PRELID2: variants seen among roughly 807,000 people sequenced by gnomAD.
PRELID2 encodes PRELI domain-containing protein 2.
Under a neutral mutation model 28.4 loss-of-function variants are expected in PRELID2, and 25 were observed. The ratio of observed to expected loss-of-function variants is 0.88; its 90% confidence interval spans 0.64 to 1.23. The LOEUF (loss-of-function observed/expected upper bound fraction) is 1.23. Ranked by LOEUF, PRELID2 falls within the 50% of genes most tolerant of loss-of-function variation. The pLI, the probability that PRELID2 is intolerant of heterozygous loss-of-function variation, is 0.00. For synonymous variants in PRELID2, 76 were observed against 71.6 expected, an observed-to-expected ratio of 1.06 and a Z score of -0.31; for missense variants, 201 against 214.4, an observed-to-expected ratio of 0.94 and a Z score of 0.39.
At chr5:145,312,559 T>C in the PRELID2 span, among the ~76,000 whole-genome samples, 3 of 152,184 alleles carry the variant, frequency 2.0e-5, no homozygotes, top group Non-Finnish European at 2.9e-5. Context: ...ACTCTCTACT[T>C]CTATGAGATC....
At chr5:145,452,362 A>C in the PRELID2 span, among the ~76,000 whole-genome samples, 4 of 152,054 alleles carry the variant, frequency 2.6e-5, no homozygotes, top group Non-Finnish European at 5.9e-5. Flanking sequence ...TATTTATTGC[A>C]ACTTACATTG....
At chr5:145,670,911 T>C (rs565804208) in intron 1 of PRELID2, among the ~76,000 whole-genome samples, 8 of 152,194 alleles carry the variant, frequency 5.3e-5, no homozygotes, top group Non-Finnish European at 1.0e-4. Flanking sequence ...AGCCCAAGCC[T>C]TGCAACTTAC....
At chr5:145,391,422 G>A in the PRELID2 span, among the ~76,000 whole-genome samples, 1 of 152,236 alleles carries the variant, frequency 6.6e-6, no homozygotes, top group Non-Finnish European at 1.5e-5. Flanking sequence ...TGAAGCAGCT[G>A]GGACTCAGGG....
chr5:145,424,262 A>G, the PRELID2 span, among the ~76,000 whole-genome samples: 6 of 152,140 alleles, frequency 3.9e-5, no homozygotes, highest in South Asian at 2.1e-4. Flanking sequence ...GGTGGGCTCC[A>G]CCCAGTTCGA....
chr5:145,302,801 AT>A, the PRELID2 span, among the ~76,000 whole-genome samples: 1 of 152,086 alleles, frequency 6.6e-6, no homozygotes, highest in South Asian at 2.1e-4. Context: ...GCACAATTGC[AT>A]TTTTTTCCTA....
chr5:145,447,380 A>G, the PRELID2 span, among the ~76,000 whole-genome samples: 1 of 151,530 alleles, frequency 6.6e-6, no homozygotes, highest in Non-Finnish European at 1.5e-5. Context: ...GAATAAAGAG[A>G]GAAACTGATT....
rs1467721281 is a variant in PRELID2, at chr5:145,700,785, T to A, written n.70+64146A>T. On this transcript the variant is annotated intron_variant and non_coding_transcript_variant, in intron 1 of 2. Transcript: ENST00000510259. ...TCACTGTAGCTCACAAATACCAATA[T>A]CGGTTCCACCTGCCACAGTGTGTCC... Among the ~76,000 whole-genome samples, 3 of 152,090 alleles carry A rather than the reference T, an allele frequency of 2.0e-5. No homozygotes were observed. In the East Asian group the frequency reaches 5.8e-4, roughly 29 times the overall value.
intron 1 of PRELID2, among the ~76,000 whole-genome samples, chr5:145,502,111 T>C (rs1752364471): frequency 6.6e-6 from 1 of 152,076 alleles, no homozygotes; most frequent in Non-Finnish European, 1.5e-5. Flanking sequence ...TTTAATTGGC[T>C]CACAGTTCTG....
rs1757270400 is a variant in PRELID2, at chr5:145,756,801, C to A, written c.*3735G>T. Among the ~76,000 whole-genome samples the A allele has an allele frequency of 4.6e-5, 7 of 152,088 alleles. No individual in the cohort carries two copies. ...GTATGCAGTTACACAATTTCCCAAC[C>A]CCAGGGCAAATTAGAGAAAGCTTCC... On this transcript the variant is annotated 3_prime_UTR_variant, in exon 7 of 7. Coordinates refer to ENST00000683046, the MANE Select transcript of PRELID2 (RefSeq NM_205846.3).
At chr5:145,519,553 A>T (rs1003393262) in intron 1 of PRELID2, among the ~76,000 whole-genome samples, 14 of 152,326 alleles carry the variant, frequency 9.2e-5, no homozygotes, top group African/African-American at 3.4e-4. Flanking sequence ...TGCCTTACCT[A>T]TAAAAGCCAT....
At chr5:145,825,152 G>A (rs112620929) in intron 1 of PRELID2, among the ~76,000 whole-genome samples, 3,670 of 145,612 alleles carry the variant, frequency 0.025, 156 homozygotes, top group African/African-American at 0.089. Flanking sequence ...CTTGAACCTG[G>A]GAGGCGGAGG....
At position 145,779,826 on chromosome 5, in the gene PRELID2, A is replaced by T. The variant is rs1295095135; in HGVS notation, c.475-14826T>A. On this transcript the variant is annotated intron_variant, in intron 5 of 6. Transcript: ENST00000683046. ...AGGGAGGGCACTCTGATTTAAATCC[A>T]CATTGGGTTGATTCCAAAGACAGGC... is the stretch of plus-strand genomic sequence containing the variant. Among the ~76,000 whole-genome samples the T allele has an allele frequency of 1.3e-5, 2 of 152,238 alleles. 1 individual carries two copies. Among genetic ancestry groups the T allele is most frequent in the Admixed American group, 1.3e-4 (2 of 15,282 alleles).
chr5:145,436,121 T>C, the PRELID2 span, among the ~76,000 whole-genome samples: 1 of 152,100 alleles, frequency 6.6e-6, no homozygotes, highest in African/African-American at 2.4e-5. Context: ...CTATTGTCTG[T>C]TTTTTCCTTC....
At chr5:145,546,963 G>A (rs1254458368) in intron 1 of PRELID2, among the ~76,000 whole-genome samples, 2 of 152,108 alleles carry the variant, frequency 1.3e-5, no homozygotes, top group Non-Finnish European at 2.9e-5. Context: ...GTTAAAGCGG[G>A]AGTAATACCT....
chr5:145,534,644 C>G (rs1482176067), intron 1 of PRELID2, among the ~76,000 whole-genome samples: 1 of 151,978 alleles, frequency 6.6e-6, no homozygotes, highest in Non-Finnish European at 1.5e-5. Context: ...CTCAGTCAAC[C>G]TACCTAAATT....
chr5:145,410,503 T>C, the PRELID2 span, among the ~76,000 whole-genome samples: 2 of 152,228 alleles, frequency 1.3e-5, no homozygotes, highest in Admixed American at 6.5e-5. Flanking sequence ...CTGTTCTGCA[T>C]GGTTTGGGAG....
intron 1 of PRELID2, among the ~76,000 whole-genome samples, chr5:145,699,463 T>C (rs1755357371): frequency 6.6e-6 from 1 of 152,046 alleles, no homozygotes; most frequent in Admixed American, 6.6e-5. Flanking sequence ...GAGTCATCCA[T>C]TTGCCAGGTA....
At position 145,491,043 on chromosome 5, in the gene PRELID2, C is replaced by CT. The variant is rs966737234; in HGVS notation, n.71-17729dup. On this transcript the variant is annotated intron_variant and non_coding_transcript_variant, in intron 1 of 2. Transcript: ENST00000510259. Reference sequence around the variant, plus strand: ...CTATATTTTGAAATCTTGATGACAGCTTTTTTTTTTAACAATTACAATTTA... The same window carrying CT: ...CTATATTTTGAAATCTTGATGACAGCTTTTTTTTTTTAACAATTACAATTTA... Among the ~76,000 whole-genome samples the CT allele has an allele frequency of 1.2e-3, 179 of 148,496 alleles. 1 individual carries two copies. The highest frequency in any genetic ancestry group is 0.01 in the Middle Eastern group (3 of 290).
At chr5:145,395,733 C>T in the PRELID2 span, among the ~76,000 whole-genome samples, 1 of 151,200 alleles carries the variant, frequency 6.6e-6, no homozygotes, top group Non-Finnish European at 1.5e-5. Flanking sequence ...ATTGGAAAAC[C>T]ACAAAAAAAA....
Sources: gnomAD v4.1 joint callset for allele counts (sites outside exome capture counted in the v4.1 genomes callset) on GRCh38, gnomAD v4.1.1 for gene constraint, MANE v1.5 for transcripts, NCBI Gene and HGNC (gene_info 2026-07-23, HGNC 2026-07-21) for gene names.